Variants in UQCRC2 observed in about 807,000 individuals in gnomAD.
UQCRC2 encodes the protein cytochrome b-c1 complex subunit 2, mitochondrial.
Under a neutral mutation model 55.6 loss-of-function variants are expected in UQCRC2, and 49 were observed. The observed-to-expected ratio is 0.88, with a 90% CI of 0.70 to 1.12. The LOEUF (loss-of-function observed/expected upper bound fraction) is 1.12. UQCRC2 is among the 50% of genes most tolerant of loss of function. The probability of loss-of-function intolerance (pLI) is 0.00; values close to 1 mark genes in which losing one functional copy is unlikely to be tolerated. For synonymous variants in UQCRC2, 193 were observed against 192.0 expected, an observed-to-expected ratio of 1.01 and a Z score of -0.04; for missense variants, 506 against 547.8, an observed-to-expected ratio of 0.92 and a Z score of 0.76.
At chr16:21,977,181 G>A (rs1745511805) in intron 12 of UQCRC2, among the ~76,000 whole-genome samples, 2 of 152,046 alleles carry the variant, frequency 1.3e-5, no homozygotes, top group African/African-American at 2.4e-5. Context: ...GCAAGACACT[G>A]TCTTTACAAA....
chr16:21,960,192 T>G (rs1898167707), intron 4 of UQCRC2, among the ~76,000 whole-genome samples: 1 of 152,208 alleles, frequency 6.6e-6, no homozygotes, highest in Non-Finnish European at 1.5e-5. Context: ...TGAAAATCTG[T>G]GGTTTAGTGT....
intron 10 of UQCRC2, 100 bp from the exon 11 acceptor site, chr16:21,973,796 T>C (rs1487416309): frequency 7.0e-6 from 7 of 994,886 alleles, no homozygotes; most frequent in African/African-American, 1.6e-5. Context: ...CTATTTTGTT[T>C]ATACCGTGAA....
intron 12 of UQCRC2, 112 bp from the exon 13 acceptor site, chr16:21,980,435 G>A (rs1329838518): frequency 6.1e-6 from 7 of 1,140,328 alleles, no homozygotes; most frequent in African/African-American, 1.5e-5. Context: ...GAGACACGCT[G>A]TTACTCTATC....
intron 12 of UQCRC2, among the ~76,000 whole-genome samples, chr16:21,977,117 G>C (rs1037708106): frequency 2.6e-5 from 4 of 152,148 alleles, no homozygotes; most frequent in Admixed American, 2.6e-4. Flanking sequence ...ACTTTGGGAG[G>C]CTGGGGCAGG....
Position 21,971,615 on chromosome 16 carries a change from G to A in UQCRC2, c.761G>A (p.Arg254His), listed in dbSNP as rs11863893. Residue 254 changes from arginine (R) to histidine (H), a missense_variant, in exon 9 of 14, where the codon CGT (arginine) becomes CAT (histidine). Coordinates refer to ENST00000268379, the MANE Select transcript of UQCRC2 (RefSeq NM_003366.4). ...TTATCTGGTGCAAAGGCCAACTACCGTGGAGGTAAGCATTTCATTCTATTA... is the reference window on the plus strand; with the variant it reads ...TTATCTGGTGCAAAGGCCAACTACCATGGAGGTAAGCATTTCATTCTATTA... The part of the protein sequence containing the change: ...LGLSGAKANY[R>H]GGEIREQNGD... 17,397 of 1,613,718 alleles carry A rather than the reference G, an allele frequency of 0.011. 1,540 individuals are homozygous for A. In the African/African-American group the frequency reaches 0.2, roughly 18 times the overall value.
intron 1 of UQCRC2, among the ~76,000 whole-genome samples, 168 bp from the exon 2 acceptor site, chr16:21,957,067 T>A (rs1898096934): frequency 1.4e-5 from 2 of 143,264 alleles, no homozygotes; most frequent in Non-Finnish European, 3.1e-5. Flanking sequence ...ACACTCTGTC[T>A]CAAAAAAAAA....
Position 21,983,472 on chromosome 16 carries a change from ATT to A in UQCRC2, c.*302_*303del. Reference sequence around the variant, plus strand: ...ATTGAGTATAGAAGCATCAGAAACTATTAAAATTAAGGCTAAGTGGCTATCGG... The same window carrying A: ...ATTGAGTATAGAAGCATCAGAAACTAAAAATTAAGGCTAAGTGGCTATCGG... On this transcript the variant is annotated 3_prime_UTR_variant, in exon 14 of 14. Coordinates refer to ENST00000268379, the MANE Select transcript of UQCRC2 (RefSeq NM_003366.4). 1 of 377,390 alleles carries A rather than the reference ATT, an allele frequency of 2.6e-6. No homozygotes were observed. Among genetic ancestry groups the A allele is most frequent in the Non-Finnish European group, 4.7e-6 (1 of 213,884 alleles). The allele number at this position is 377,390 out of a possible 1,614,324, so 23.4% of individuals were successfully genotyped here. A position where few individuals can be genotyped will look rare whatever the true frequency, so the allele number is the denominator to read the frequency against.
chr16:21,968,632 A>G lies in UQCRC2; in HGVS notation c.617A>G (p.His206Arg). The G allele has an allele frequency of 1.9e-6, 3 of 1,607,232 alleles. No homozygotes were observed. Among genetic ancestry groups the G allele is most frequent in the Non-Finnish European group, 1.7e-6 (2 of 1,176,806 alleles). ...AAGTGTTTTTAACTTCCTCAGTTAC[A>G]TTACTTCGTTCAGAACCATTTCACA... ...RIGKVTSEEL[H>R]YFVQNHFTSA... The change falls in exon 8 of 14, where the codon CAT becomes CGT. Residue 206 changes from histidine (H) to arginine (R), a missense_variant. Physicochemically the swap from His to Arg is conservative, Grantham distance 29. Coordinates refer to ENST00000268379, the MANE Select transcript of UQCRC2 (RefSeq NM_003366.4).
Position 21,962,850 on chromosome 16 carries a change from T to A in UQCRC2, c.479T>A (p.Ile160Asn). The A allele has an allele frequency of 6.2e-7, 1 of 1,614,090 alleles. No homozygotes were observed. Among genetic ancestry groups the A allele is most frequent in the Non-Finnish European group, 8.5e-7 (1 of 1,180,004 alleles). The stretch of plus-strand genomic sequence containing the variant: ...GCTGACCTTCAGCCTCAGCTAAAGA[T>A]TGACAAAGCTGTGGCCTTTCAGAAT... ...EVADLQPQLK[I>N]DKAVAFQNPQ... Residue 160 changes from isoleucine (I) to asparagine (N), a missense_variant, in exon 6 of 14, where the codon ATT becomes AAT. Coordinates refer to ENST00000268379, the MANE Select transcript of UQCRC2 (RefSeq NM_003366.4).
chr16:21,976,039 A>G, intron 11 of UQCRC2, 128 bp from the exon 12 acceptor site: 1 of 614,914 alleles, frequency 1.6e-6, no homozygotes, highest in Middle Eastern at 2.6e-4. Flanking sequence ...AGCATTCCGC[A>G]TGGACACTGT....
chr16:21,960,978 A>G (rs987980728), intron 4 of UQCRC2, among the ~76,000 whole-genome samples: 1 of 152,106 alleles, frequency 6.6e-6, no homozygotes, highest in African/African-American at 2.4e-5. Flanking sequence ...CTATAGGCAC[A>G]TGACTCCATG....
chr16:21,956,027 GTTTGTCA>G (rs1898081113), intron 1 of UQCRC2, among the ~76,000 whole-genome samples: 1 of 152,144 alleles, frequency 6.6e-6, no homozygotes, highest in African/African-American at 2.4e-5. Flanking sequence ...GTTTCTCCAT[GTTTGTCA>G]GGCTAGTCTC....
chr16:21,965,625 T>C, intron 7 of UQCRC2, 120 bp downstream of exon 7: 1 of 813,158 alleles, frequency 1.2e-6, no homozygotes, highest in Non-Finnish European at 1.7e-6. Flanking sequence ...TTCAGCGTGC[T>C]AGCTTTTTCA....
intron 13 of UQCRC2, among the ~76,000 whole-genome samples, chr16:21,981,844 CTT>C (rs1245008218): frequency 7.0e-5 from 10 of 142,120 alleles, no homozygotes; most frequent in Admixed American, 1.4e-4. Context: ...TCATACTCTT[CTT>C]TTTTTTTTTT....
intron 10 of UQCRC2, among the ~76,000 whole-genome samples, chr16:21,972,407 A>G (rs1898484820): frequency 1.3e-5 from 2 of 152,230 alleles, no homozygotes; most frequent in South Asian, 4.1e-4. Context: ...AGTTGTAGAT[A>G]TTAAACTTTC....
intron 4 of UQCRC2, among the ~76,000 whole-genome samples, chr16:21,960,134 C>T (rs550291127): frequency 2.0e-4 from 31 of 152,182 alleles, no homozygotes; most frequent in Non-Finnish European, 3.2e-4. Context: ...TCTCTAGCTA[C>T]GAATGTCCTG....
chr16:21,961,626 T>TTATATATATATATATATATATATA (rs67999727), intron 4 of UQCRC2, among the ~76,000 whole-genome samples: 7 of 64,476 alleles, frequency 1.1e-4, no homozygotes, highest in South Asian at 5.0e-4. Flanking sequence ...AACATAAAAT[T>TTATATATATATATATATATATATA]TATATATATA....
chr16:21,971,498 G>A, intron 8 of UQCRC2, 27 bp from the exon 9 acceptor site: 1 of 1,564,186 alleles, frequency 6.4e-7, no homozygotes, highest in Non-Finnish European at 8.7e-7. Flanking sequence ...TGTGGTTCTA[G>A]CTTTGTTTTT....
Position 21,962,864 on chromosome 16 carries a change from G to A in UQCRC2, c.493G>A (p.Ala165Thr), listed in dbSNP as rs1205966905. ...QPQLKIDKAV[A>T]FQNPQTHVIE... ...TCAGCTAAAGATTGACAAAGCTGTG[G>A]CCTTTCAGAATCCGCAGACTCGTAA... is the stretch of plus-strand genomic sequence containing the variant. Residue 165 changes from alanine to threonine, a missense_variant, in exon 6 of 14, where the codon GCC (alanine) becomes ACC (threonine). Coordinates refer to ENST00000268379, the MANE Select transcript of UQCRC2 (RefSeq NM_003366.4). 6.2e-7 allele frequency: 1 copy of A among 1,613,840 alleles called. No individual in the cohort carries two copies. Among genetic ancestry groups the A allele is most frequent in the African/African-American group, 1.3e-5 (1 of 74,894 alleles).
Sources: gnomAD v4.1 joint callset for allele counts (sites outside exome capture counted in the v4.1 genomes callset) on GRCh38, gnomAD v4.1.1 for gene constraint, MANE v1.5 for transcripts, NCBI Gene and HGNC (gene_info 2026-07-23, HGNC 2026-07-21) for gene names.